Variants in DNAH1 observed in about 807,000 individuals in gnomAD.
DNAH1 encodes axonemal beta dynein heavy chain 1.
Under a neutral mutation model 484.3 loss-of-function variants are expected in DNAH1, and 327 were observed. That is an observed-to-expected ratio of 0.68 (90% confidence interval 0.62 to 0.74). The LOEUF (loss-of-function observed/expected upper bound fraction) is 0.74, where lower values mean the gene tolerates loss of function less well. DNAH1 is among the 30% of genes least tolerant of loss of function. DNAH1 has a pLI of 0.00. For synonymous variants in DNAH1, 2,192 were observed against 2,191.9 expected, an observed-to-expected ratio of 1.00 and a Z score of 0.00; for missense variants, 5,052 against 5,546.8, an observed-to-expected ratio of 0.91 and a Z score of 2.83.
Position 52,357,903 on chromosome 3 carries a change from A to G in DNAH1, c.3986A>G (p.Tyr1329Cys), listed in dbSNP as rs1702684739. 5 of 1,612,422 alleles carry G rather than the reference A, an allele frequency of 3.1e-6. No individual in the cohort carries two copies. In the East Asian group the frequency reaches 6.7e-5, roughly 22 times the overall value. The part of the protein sequence containing the change: ...ETKRSAFPRF[Y>C]FLSDDELLEI... Reference sequence around the variant, plus strand: ...CACCCCTGTTCCCCTGGCAGATTCTACTTCCTGTCAGATGATGAACTACTA... The same window carrying G: ...CACCCCTGTTCCCCTGGCAGATTCTGCTTCCTGTCAGATGATGAACTACTA... Residue 1329 changes from tyrosine (Y) to cysteine (C), a missense_variant, in exon 24 of 78, where the codon TAC (tyrosine) becomes TGC (cysteine). Coordinates refer to ENST00000420323, the MANE Select transcript of DNAH1 (RefSeq NM_015512.5).
At chr3:52,371,910 GT>G in intron 41 of DNAH1, 35 bp from the exon 42 acceptor site, 2 of 1,607,386 alleles carry the variant, frequency 1.2e-6, no homozygotes, top group Non-Finnish European at 1.7e-6. Flanking sequence ...GCAGGGAGGG[GT>G]TCCAGGCCCA....
chr3:52,339,648 T>C (rs937092918), intron 8 of DNAH1, among the ~76,000 whole-genome samples: 1 of 152,206 alleles, frequency 6.6e-6, no homozygotes, highest in Non-Finnish European at 1.5e-5. Context: ...GATGCTCTCT[T>C]TTTCTTATAG....
At chr3:52,327,826 A>T in intron 5 of DNAH1, 56 bp from the exon 6 acceptor site, 1 of 1,601,252 alleles carries the variant, frequency 6.2e-7, no homozygotes, top group South Asian at 1.1e-5. Context: ...ACCCAGTCCC[A>T]CCTGGGCCCC....
At chr3:52,365,085 G>T in intron 34 of DNAH1, 66 bp downstream of exon 34, 1 of 1,553,972 alleles carries the variant, frequency 6.4e-7, no homozygotes. Context: ...CCAGGTCAGG[G>T]GGACAGAGAC....
chr3:52,328,076 C>T (rs1169108734), intron 6 of DNAH1, 62 bp downstream of exon 6: 1 of 1,584,818 alleles, frequency 6.3e-7, no homozygotes, highest in Non-Finnish European at 8.6e-7. Flanking sequence ...CTGTCACAGA[C>T]TCCTGGGCTC....
At position 52,352,539 on chromosome 3, in the gene DNAH1, C is replaced by T; in HGVS notation, c.2872-13C>T. 1.2e-6 allele frequency: 2 copies of T among 1,605,034 alleles called. No individual in the cohort carries two copies. Among genetic ancestry groups the T allele is most frequent in the South Asian group, 1.1e-5 (1 of 90,748 alleles). ...CTGCAGGGGCATCTGACCCATTGCTCCTTGGCCTGCAGCTGGTAGTAGCTG... is the reference window on the plus strand; with the variant it reads ...CTGCAGGGGCATCTGACCCATTGCTTCTTGGCCTGCAGCTGGTAGTAGCTG... On this transcript the variant is annotated splice_polypyrimidine_tract_variant and intron_variant, in intron 17 of 77. Transcript: ENST00000420323.
At position 52,358,536 on chromosome 3, in the gene DNAH1, C is replaced by CCTGCTCCTCCACTG; in HGVS notation, c.4087-19_4087-6dup. 1 of 1,586,732 alleles carries CCTGCTCCTCCACTG rather than the reference C, an allele frequency of 6.3e-7. No individual in the cohort carries two copies. Among genetic ancestry groups the CCTGCTCCTCCACTG allele is most frequent in the Non-Finnish European group, 8.6e-7 (1 of 1,167,072 alleles). On this transcript the variant is annotated intron_variant, in intron 24 of 77. Coordinates refer to ENST00000420323, the MANE Select transcript of DNAH1 (RefSeq NM_015512.5). This position sits in a 1 kb window ranked among gnomAD's most constrained non-coding sequence, Gnocchi z 4.2. ...CTGGGCACACCAGGGTGACCCCACT[C>CCTGCTCCTCCACTG]CTGCTCCTCCACTGCTTGCAGCTGC... is the stretch of plus-strand genomic sequence containing the variant.
In DNAH1 at chr3:52,378,792, G is replaced by T; in HGVS notation, c.7377+12G>T. On this transcript the variant is annotated intron_variant, in intron 47 of 77. Transcript: ENST00000420323. ...CGGCCAAGGTCGAGGTGAGGACCAG[G>T]CAGGCACCCTCCCCAGTGCCCACAC... The T allele has an allele frequency of 6.2e-7, 1 of 1,613,254 alleles. No individual in the cohort carries two copies. Among genetic ancestry groups the T allele is most frequent in the Middle Eastern group, 1.7e-4 (1 of 6,048 alleles).
chr3:52,354,444 C>T (rs1178620249), intron 20 of DNAH1, among the ~76,000 whole-genome samples: 1 of 152,120 alleles, frequency 6.6e-6, no homozygotes, highest in Non-Finnish European at 1.5e-5. Flanking sequence ...ACCAGCCTGG[C>T]CAACATGGTG....
rs961095542 is a variant in DNAH1 at position 52,372,853 on chromosome 3, C to G, written c.6828-43C>G. The G allele has an allele frequency of 2.5e-6, 4 of 1,583,032 alleles. No individual in the cohort carries two copies. In the Admixed American group the frequency reaches 5.3e-5, roughly 21 times the overall value. On this transcript the variant is annotated intron_variant, in intron 43 of 77. Transcript: ENST00000420323. ...GTTCGCCCCTGGATTCTCAGAGGACCTGGTGCCTGTGGGTGCTGGGCTCAC... is the reference window on the plus strand; with the variant it reads ...GTTCGCCCCTGGATTCTCAGAGGACGTGGTGCCTGTGGGTGCTGGGCTCAC...
intron 11 of DNAH1, among the ~76,000 whole-genome samples, chr3:52,347,192 G>A (rs541869742): frequency 1.3e-5 from 2 of 150,040 alleles, no homozygotes; most frequent in South Asian, 2.1e-4. Context: ...GACCTGAGAT[G>A]TAAGAAGAAA....
chr3:52,311,295 C>T, the DNAH1 span, among the ~76,000 whole-genome samples: 2 of 152,198 alleles, frequency 1.3e-5, no homozygotes, highest in East Asian at 1.9e-4. Context: ...TGGGTGTGAC[C>T]GGGACCGGGG....
upstream of DNAH1, among the ~76,000 whole-genome samples, chr3:52,312,555 C>G (rs961670193): frequency 4.0e-5 from 6 of 151,642 alleles, no homozygotes; most frequent in African/African-American, 1.5e-4. Flanking sequence ...ACTGGAACCT[C>G]TGTCTCCTGG....
chr3:52,380,351 G>A (rs909296180), intron 48 of DNAH1, among the ~76,000 whole-genome samples: 1 of 152,088 alleles, frequency 6.6e-6, no homozygotes, highest in East Asian at 1.9e-4. Context: ...CCAGCCTGTG[G>A]TCCAGCTGAG....
chr3:52,357,872 C>A, intron 23 of DNAH1, 26 bp from the exon 24 acceptor site: 1 of 1,606,164 alleles, frequency 6.2e-7, no homozygotes, highest in Non-Finnish European at 8.5e-7. Flanking sequence ...GCACGACCCG[C>A]TTCCTCACCC....
chr3:52,354,887 T>C lies in DNAH1; in HGVS notation c.3525T>C (p.Asn1175=). 2 of 1,613,964 alleles carry C rather than the reference T, an allele frequency of 1.2e-6. No homozygotes were observed. Among genetic ancestry groups the C allele is most frequent in the Non-Finnish European group, 1.7e-6 (2 of 1,179,890 alleles). ...MEKEWSTILF[N]VLPYKATDTY... ...AGGAGTGGTCGACCATCCTGTTCAA[T>C]GTACTGCCCTACAAGGCGACAGACA... The change falls in exon 21 of 78, where the codon AAT becomes AAC. Residue 1175 remains asparagine (N), a synonymous_variant. Transcript: ENST00000420323.
Position 52,361,826 on chromosome 3 carries a change from C to A in DNAH1, c.4980+60C>A, listed in dbSNP as rs974935430. On this transcript the variant is annotated intron_variant, in intron 30 of 77. Transcript: ENST00000420323. The surrounding 1 kb of genome is among the most constrained non-coding windows in gnomAD (Gnocchi z 5.6). ...CTGCCATACTCACGCCGCCATACTG[C>A]TCCCCATTGCAGGCTGAGAAGCCAG... 6 of 1,510,626 alleles carry A rather than the reference C, an allele frequency of 4.0e-6. No individual in the cohort carries two copies. The East Asian group carries it at 1.5e-4, about 37-fold the overall frequency. 93.6% of individuals were successfully genotyped at this position (1,510,626 alleles called of 1,614,324 possible). A position where few individuals can be genotyped will look rare whatever the true frequency, so the allele number is the denominator to read the frequency against.
intron 54 of DNAH1, 137 bp from the exon 55 acceptor site, chr3:52,386,023 A>T (rs1704089349): frequency 5.0e-6 from 5 of 990,388 alleles, no homozygotes; most frequent in Non-Finnish European, 7.2e-6. Context: ...GGCTCCTGGT[A>T]TTCCCAGACC....
rs536593603 is a variant in DNAH1 at position 52,361,866 on chromosome 3, C to G, written c.4980+100C>G. ...TGAGAAGCCAGGCGCTAAGGTCCAC[C>G]CTGGGTCCAGCCTCTCTTGTCCCGG... On this transcript the variant is annotated intron_variant, in intron 30 of 77. Transcript: ENST00000420323. The surrounding 1 kb of genome is among the most constrained non-coding windows in gnomAD (Gnocchi z 5.6). The G allele has an allele frequency of 5.4e-6, 7 of 1,286,604 alleles. No individual in the cohort carries two copies. The highest frequency in any genetic ancestry group is 7.5e-6 in the Non-Finnish European group (7 of 927,836). The allele number at this position is 1,286,604 out of a possible 1,614,324, so 79.7% of individuals were successfully genotyped here.
Sources: gnomAD v4.1 joint callset for allele counts (sites outside exome capture counted in the v4.1 genomes callset) on GRCh38, gnomAD v4.1.1 for gene constraint, Gnocchi (gnomAD v3.1) non-coding constraint, MANE v1.5 for transcripts, NCBI Gene and HGNC (gene_info 2026-07-23, HGNC 2026-07-21) for gene names.